The following CA10 variants were observed in gnomAD, a reference collection of about 807,000 sequenced individuals.
The protein encoded by CA10 is carbonic anhydrase 10 (inactive).
In CA10, 14 loss-of-function variants were observed where a neutral mutation model predicts 44.2. That is an observed-to-expected ratio of 0.32 (90% confidence interval 0.21 to 0.50). The LOEUF (loss-of-function observed/expected upper bound fraction) is 0.50. Ranked by LOEUF, CA10 falls within the 20% of genes least tolerant of loss-of-function variation. The pLI, the probability that CA10 is intolerant of heterozygous loss-of-function variation, is 0.99. For synonymous variants in CA10, 159 were observed against 141.6 expected (o/e 1.12, Z -0.87); for missense variants, 350 against 409.7 (o/e 0.85, Z 1.26).
intron 2 of CA10, among the ~76,000 whole-genome samples, chr17:51,964,688 C>T (rs1984015031): frequency 1.3e-5 from 2 of 150,954 alleles, no homozygotes; most frequent in South Asian, 2.1e-4. Flanking sequence ...AATTTAATGC[C>T]AAAGTCAAAA....
chr17:52,011,167 C>T (rs779979490), intron 2 of CA10, among the ~76,000 whole-genome samples: 2 of 151,910 alleles, frequency 1.3e-5, no homozygotes, highest in Non-Finnish European at 2.9e-5. Context: ...TACATATGCT[C>T]CTAATACCAT....
intron 4 of CA10, among the ~76,000 whole-genome samples, chr17:51,692,357 C>T (rs1250617132): frequency 6.8e-6 from 1 of 147,318 alleles, no homozygotes; most frequent in African/African-American, 2.5e-5. Context: ...TACCTATCTA[C>T]CTATCCATCC....
chr17:52,137,861 T>C (rs1046429626), intron 1 of CA10, among the ~76,000 whole-genome samples: 1 of 152,138 alleles, frequency 6.6e-6, no homozygotes, highest in African/African-American at 2.4e-5. Flanking sequence ...ATGCGGGAAA[T>C]ATTAATAATT....
intron 3 of CA10, among the ~76,000 whole-genome samples, chr17:51,881,306 T>C (rs1980364709): frequency 1.3e-5 from 2 of 151,010 alleles, no homozygotes; most frequent in Non-Finnish European, 2.9e-5. Flanking sequence ...AATTTTGAGA[T>C]AGATTACGGA....
At chr17:51,879,797 T>C (rs949228739) in intron 3 of CA10, among the ~76,000 whole-genome samples, 1 of 152,264 alleles carries the variant, frequency 6.6e-6, no homozygotes, top group South Asian at 2.1e-4. Context: ...TTATCCACAT[T>C]AGGGAGGAGA....
intron 4 of CA10, among the ~76,000 whole-genome samples, chr17:51,727,078 C>A (rs1916551426): frequency 6.6e-6 from 1 of 152,208 alleles, no homozygotes; most frequent in Admixed American, 6.5e-5. Flanking sequence ...TGCTAAACCT[C>A]TTCATCTCTC....
intron 4 of CA10, among the ~76,000 whole-genome samples, chr17:51,660,635 A>G (rs1913969401): frequency 6.6e-6 from 1 of 152,190 alleles, no homozygotes; most frequent in African/African-American, 2.4e-5. Flanking sequence ...CACCTTTCTC[A>G]GCGTGATGCT....
chr17:52,127,096 C>G (rs1503059), intron 1 of CA10, among the ~76,000 whole-genome samples: 22,558 of 152,164 alleles, frequency 0.15, 1,897 homozygotes, highest in East Asian at 0.41. Context: ...GTTCCCTCAT[C>G]ATAACCTTAC....
At chr17:51,886,408 A>C (rs972739082) in intron 3 of CA10, among the ~76,000 whole-genome samples, 6 of 152,220 alleles carry the variant, frequency 3.9e-5, no homozygotes, top group Non-Finnish European at 7.3e-5. Flanking sequence ...AATGCTTTTA[A>C]AAAACCTAAT....
At chr17:52,137,262 A>C (rs547401775) in intron 1 of CA10, among the ~76,000 whole-genome samples, 1 of 152,240 alleles carries the variant, frequency 6.6e-6, no homozygotes, top group South Asian at 2.1e-4. Context: ...CAGCTTCCTC[A>C]TCTGCAGAAT....
chr17:52,018,724 T>G (rs1007247081), intron 2 of CA10, among the ~76,000 whole-genome samples: 2 of 152,072 alleles, frequency 1.3e-5, no homozygotes, highest in African/African-American at 2.4e-5. Context: ...TGGGAAAGGA[T>G]GATTGTATTT....
At chr17:52,110,448 A>G (rs1021765565) in intron 1 of CA10, among the ~76,000 whole-genome samples, 1 of 152,212 alleles carries the variant, frequency 6.6e-6, no homozygotes, top group Non-Finnish European at 1.5e-5. Context: ...GTATCCAATG[A>G]CATTTATGCA....
At chr17:51,819,463 C>T (rs186588259) in intron 3 of CA10, among the ~76,000 whole-genome samples, 5 of 152,300 alleles carry the variant, frequency 3.3e-5, no homozygotes, top group Non-Finnish European at 4.4e-5. Context: ...AAACAGGCCT[C>T]TTAGCCACTG....
At chr17:52,081,207 G>A (rs1296439161) in intron 1 of CA10, among the ~76,000 whole-genome samples, 1 of 152,184 alleles carries the variant, frequency 6.6e-6, no homozygotes, top group African/African-American at 2.4e-5. Flanking sequence ...AAGAACATAT[G>A]AGATTGTATG....
chr17:51,658,305 A>G (rs746581928), intron 4 of CA10, among the ~76,000 whole-genome samples: 13 of 152,224 alleles, frequency 8.5e-5, no homozygotes, highest in Admixed American at 2.6e-4. Context: ...AATAAGACTG[A>G]GAAGGTCTTT....
chr17:51,851,862 A>G (rs890763791), intron 3 of CA10, among the ~76,000 whole-genome samples: 1 of 152,226 alleles, frequency 6.6e-6, no homozygotes. Context: ...TGTTTTAGTT[A>G]AAAGGTTTAG....
At chr17:51,865,232 A>G (rs1166580421) in intron 3 of CA10, among the ~76,000 whole-genome samples, 5 of 152,066 alleles carry the variant, frequency 3.3e-5, no homozygotes, top group African/African-American at 9.7e-5. Context: ...CTGACACACT[A>G]TGTAATTTGC....
At chr17:51,861,685 T>C (rs1979316869) in intron 3 of CA10, among the ~76,000 whole-genome samples, 1 of 152,178 alleles carries the variant, frequency 6.6e-6, no homozygotes. Flanking sequence ...CAATGTAGAA[T>C]GAGTCTTTGA....
At chr17:51,759,007 G>A (rs530084736) in intron 3 of CA10, among the ~76,000 whole-genome samples, 3 of 152,226 alleles carry the variant, frequency 2.0e-5, no homozygotes, top group Admixed American at 1.3e-4. Flanking sequence ...GGCCTAATCC[G>A]TATGACCCCA....
Sources: allele counts gnomAD v4.1 joint callset (sites outside exome capture counted in the v4.1 genomes callset), GRCh38; gene constraint gnomAD v4.1.1; transcripts MANE v1.5; gene names NCBI Gene and HGNC (gene_info 2026-07-23, HGNC 2026-07-21).